The following ERGIC1 variants were observed in gnomAD, a reference collection of about 807,000 sequenced individuals.
ERGIC1 encodes endoplasmic reticulum-golgi intermediate compartment 1.
Under a neutral mutation model 38.3 loss-of-function variants are expected in ERGIC1, and 19 were observed. The observed-to-expected ratio is 0.50, with a 90% CI of 0.35 to 0.73. ERGIC1 has a LOEUF of 0.73. Ranked by LOEUF, ERGIC1 falls within the 30% of genes least tolerant of loss-of-function variation. ERGIC1 has a pLI of 0.01. For synonymous variants in ERGIC1, 124 were observed against 157.6 expected, an observed-to-expected ratio of 0.79 and a Z score of 1.60; for missense variants, 294 against 389.2, an observed-to-expected ratio of 0.76 and a Z score of 2.06.
At position 172,846,219 on chromosome 5, in the gene ERGIC1, A is replaced by C. The variant is rs998985484; in HGVS notation, c.20+11786A>C. Among the ~76,000 whole-genome samples, 8 of 151,892 alleles carry C rather than the reference A, an allele frequency of 5.3e-5. No homozygotes were observed. The highest frequency in any genetic ancestry group is 5.2e-4 in the Admixed American group (8 of 15,252). On this transcript the variant is annotated intron_variant, in intron 1 of 9. Coordinates refer to ENST00000393784, the MANE Select transcript of ERGIC1 (RefSeq NM_001031711.3). The surrounding 1 kb of genome is among the most constrained non-coding windows in gnomAD (Gnocchi z 4.0). ...CCTCCCCCAATCCCCTGCACCCATC[A>C]TTCCTGTAAAGTGACCCTCCTGGAG...
Position 172,893,893 on chromosome 5 carries a change from ATATATATATATATGTGTGTGTGTG to A in ERGIC1, c.83-3107_83-3084del, listed in dbSNP as rs1366913470. On this transcript the variant is annotated intron_variant, in intron 2 of 9. Coordinates refer to ENST00000393784, the MANE Select transcript of ERGIC1 (RefSeq NM_001031711.3). ...GATATATATATATATATATATATAT[ATATATATATATATGTGTGTGTGTG>A]TGTGTGTGTGTGTGTGTGTATATAT... Among the ~76,000 whole-genome samples, 2 of 19,766 alleles carry A rather than the reference ATATATATATATATGTGTGTGTGTG, an allele frequency of 1.0e-4. 1 individual carries two copies. The highest frequency in any genetic ancestry group is 2.2e-4 in the African/African-American group (2 of 9,162). 13.0% of individuals were successfully genotyped at this position (19,766 alleles called of 152,430 possible). A position where few individuals can be genotyped will look rare whatever the true frequency, so the allele number is the denominator to read the frequency against.
intron 1 of ERGIC1, among the ~76,000 whole-genome samples, chr5:172,841,234 TA>T (rs1761152485): frequency 6.6e-6 from 1 of 152,106 alleles, no homozygotes; most frequent in Non-Finnish European, 1.5e-5. Context: ...TGTCTTTGTT[TA>T]AAAAAAATCT....
At chr5:172,889,886 C>T (rs1019204674) in intron 2 of ERGIC1, among the ~76,000 whole-genome samples, 1 of 152,218 alleles carries the variant, frequency 6.6e-6, no homozygotes, top group Non-Finnish European at 1.5e-5. Flanking sequence ...CATGTTGGCA[C>T]TGAAAACGTT....
At chr5:172,835,371 C>G (rs746766500) in intron 1 of ERGIC1, among the ~76,000 whole-genome samples, 9 of 152,178 alleles carry the variant, frequency 5.9e-5, no homozygotes, top group Non-Finnish European at 1.2e-4. Context: ...TGTCGCCGCT[C>G]GGCTGGCTGA....
intron 1 of ERGIC1, among the ~76,000 whole-genome samples, chr5:172,884,244 GTTTTTTTTT>G (rs71579704): frequency 1.1e-5 from 1 of 90,618 alleles, no homozygotes; most frequent in Non-Finnish European, 2.2e-5. Context: ...GGAACCCCAA[GTTTTTTTTT>G]TTTTTTTTTT....
chr5:172,920,689 G>C (rs1763489056), intron 5 of ERGIC1: 1 of 504,066 alleles, frequency 2.0e-6, no homozygotes, highest in East Asian at 3.6e-5. Context: ...GCCCGGCAGG[G>C]GTGGCAGGTG....
Position 172,920,187 on chromosome 5 carries a change from A to G in ERGIC1, c.376-3818A>G, listed in dbSNP as rs542984740. Among the ~76,000 whole-genome samples the G allele has an allele frequency of 7.8e-4, 119 of 152,278 alleles. 2 individuals are homozygous for G. The highest frequency in any genetic ancestry group is 1.4e-3 in the Admixed American group (22 of 15,298). ...TGCCCCATACTCCTGGAGGGAGTAGAGACCGTCCCCCACCCCAGCCCAGCC... is the reference window on the plus strand; with the variant it reads ...TGCCCCATACTCCTGGAGGGAGTAGGGACCGTCCCCCACCCCAGCCCAGCC... On this transcript the variant is annotated intron_variant, in intron 5 of 9. Transcript: ENST00000393784.
chr5:172,867,954 C>T (rs1761912160), intron 1 of ERGIC1, among the ~76,000 whole-genome samples: 1 of 152,168 alleles, frequency 6.6e-6, no homozygotes, highest in African/African-American at 2.4e-5. Context: ...AACTGAGGCT[C>T]CAAGAGATTC....
At chr5:172,868,717 T>G (rs1761933169) in intron 1 of ERGIC1, among the ~76,000 whole-genome samples, 1 of 152,044 alleles carries the variant, frequency 6.6e-6, no homozygotes, top group African/African-American at 2.4e-5. Flanking sequence ...CAATGATGAG[T>G]CAGTGTTCAT....
At chr5:172,914,521 C>G in intron 4 of ERGIC1, 193 bp from the exon 5 acceptor site, 1 of 876,396 alleles carries the variant, frequency 1.1e-6, no homozygotes, top group Non-Finnish European at 1.8e-6. Context: ...TGCACTGCCC[C>G]CCTCGCCTCA....
intron 1 of ERGIC1, among the ~76,000 whole-genome samples, chr5:172,866,520 C>T (rs771352847): frequency 1.3e-5 from 2 of 152,260 alleles, no homozygotes; most frequent in Non-Finnish European, 2.9e-5. Flanking sequence ...CTACACCCTG[C>T]AGCTGCGTCA....
chr5:172,836,005 G>GC (rs1761026800), intron 1 of ERGIC1, among the ~76,000 whole-genome samples: 1 of 152,186 alleles, frequency 6.6e-6, no homozygotes, highest in African/African-American at 2.4e-5. Context: ...TGCCACCGCC[G>GC]CCCCCTGCCC....
chr5:172,875,458 A>AC (rs952070665), intron 1 of ERGIC1, among the ~76,000 whole-genome samples: 9 of 151,014 alleles, frequency 6.0e-5, no homozygotes, highest in South Asian at 2.1e-4. Flanking sequence ...AAAGCCCCCT[A>AC]CCCCCCCAGC....
chr5:172,914,822 A>G lies in ERGIC1; in HGVS notation c.359A>G (p.Gln120Arg), dbSNP rs1442130831. 1.3e-5 allele frequency: 21 copies of G among 1,614,074 alleles called. No homozygotes were observed. The highest frequency in any genetic ancestry group is 1.6e-4 in the Middle Eastern group (1 of 6,084). ...NNGAGCRFEG[Q>R]FSINKVPGNF... ...GGGGCAGGCTGCCGCTTCGAGGGGCAGTTCAGCATCAACAAGGTATGGAAG... is the reference window on the plus strand; with the variant it reads ...GGGGCAGGCTGCCGCTTCGAGGGGCGGTTCAGCATCAACAAGGTATGGAAG... The change falls in exon 5 of 10, where the codon CAG becomes CGG. Residue 120 changes from glutamine (Q) to arginine (R), a missense_variant. Physicochemically the swap from Gln to Arg is conservative, Grantham distance 43 (BLOSUM62 1). Coordinates refer to ENST00000393784, the MANE Select transcript of ERGIC1 (RefSeq NM_001031711.3).
At chr5:172,839,242 A>C (rs1761100059) in intron 1 of ERGIC1, among the ~76,000 whole-genome samples, 1 of 87,188 alleles carries the variant, frequency 1.1e-5, no homozygotes, top group East Asian at 5.3e-4. Context: ...CTCTGTCTCA[A>C]AAAAAAAAAA....
Position 172,926,703 on chromosome 5 carries a change from T to G in ERGIC1, c.541+134T>G. On this transcript the variant is annotated intron_variant, in intron 7 of 9. Transcript: ENST00000393784. The surrounding 1 kb of genome is among the most constrained non-coding windows in gnomAD (Gnocchi z 5.2). ...CAGGGAGGCTGCTGCTCACACTCCATTCCCACAGCTAACCAGTGGGAAGGT... is the reference window on the plus strand; with the variant it reads ...CAGGGAGGCTGCTGCTCACACTCCAGTCCCACAGCTAACCAGTGGGAAGGT... 3 of 922,500 alleles carry G rather than the reference T, an allele frequency of 3.3e-6. No homozygotes were observed. Among genetic ancestry groups the G allele is most frequent in the Non-Finnish European group, 5.1e-6 (3 of 593,180 alleles). The allele number at this position is 922,500 out of a possible 1,614,324, so 57.1% of individuals were successfully genotyped here.
At chr5:172,912,790 A>G (rs1276929733) in intron 4 of ERGIC1, among the ~76,000 whole-genome samples, 2 of 145,360 alleles carry the variant, frequency 1.4e-5, no homozygotes, top group South Asian at 4.4e-4. Flanking sequence ...TTTTTTTGAG[A>G]TAGAGTTTTT....
At chr5:172,894,015 A>T (rs1318991716) in intron 2 of ERGIC1, among the ~76,000 whole-genome samples, 2 of 139,492 alleles carry the variant, frequency 1.4e-5, no homozygotes, top group East Asian at 4.1e-4. Flanking sequence ...GCAGATCAGG[A>T]GAGACAGACT....
intron 1 of ERGIC1, among the ~76,000 whole-genome samples, chr5:172,875,678 C>CA (rs1317573516): frequency 6.6e-6 from 1 of 152,132 alleles, no homozygotes; most frequent in Non-Finnish European, 1.5e-5. Flanking sequence ...CACTAAAGCT[C>CA]AAACTCCTGT....
Sources: allele counts gnomAD v4.1 joint callset (sites outside exome capture counted in the v4.1 genomes callset), GRCh38; gene constraint gnomAD v4.1.1; non-coding constraint Gnocchi (gnomAD v3.1); transcripts MANE v1.5; gene names NCBI Gene and HGNC (gene_info 2026-07-23, HGNC 2026-07-21).